ASIC2: variants seen among roughly 807,000 people sequenced by gnomAD.
The protein encoded by ASIC2 is acid sensing ion channel subunit 2.
Under a neutral mutation model 57.3 loss-of-function variants are expected in ASIC2, and 25 were observed. The observed-to-expected ratio is 0.44, with a 90% CI of 0.32 to 0.61. The LOEUF is 0.61. Ranked by LOEUF, ASIC2 falls within the 20% of genes least tolerant of loss-of-function variation. The probability of loss-of-function intolerance (pLI) is 0.06; values close to 1 mark genes in which losing one functional copy is unlikely to be tolerated. For missense variants in ASIC2, 641 were observed against 738.1 expected (o/e 0.87, Z 1.52); for synonymous variants, 319 against 307.5 (o/e 1.04, Z -0.39).
intron 1 of ASIC2, among the ~76,000 whole-genome samples, chr17:33,817,023 A>C (rs551475565): frequency 1.6e-4 from 25 of 152,204 alleles, no homozygotes; most frequent in African/African-American, 6.0e-4. Context: ...GGCACATCTC[A>C]CTGCTCTCCC....
In ASIC2 at chr17:33,675,651, A is replaced by C. The variant is rs111475195; in HGVS notation, c.555+480327T>G. On this transcript the variant is annotated intron_variant, in intron 1 of 9. Coordinates refer to the ASIC2 transcript ENST00000359872. ...CAGTGGTGCAATCAAGGCTCACTGCAACCTCTGCCTCCCAGGCTCAAGCCA... is the reference window on the plus strand; with the variant it reads ...CAGTGGTGCAATCAAGGCTCACTGCCACCTCTGCCTCCCAGGCTCAAGCCA... Among the ~76,000 whole-genome samples the C allele has an allele frequency of 6.3e-3, 955 of 152,314 alleles. 13 individuals carry two copies. Among genetic ancestry groups the C allele is most frequent in the African/African-American group, 0.022 (909 of 41,582 alleles).
intron 1 of ASIC2, among the ~76,000 whole-genome samples, chr17:33,395,369 G>A (rs1244239901): frequency 4.6e-5 from 7 of 152,318 alleles, no homozygotes; most frequent in Non-Finnish European, 7.3e-5. Flanking sequence ...TGGAAGGCAA[G>A]GAGGAGCAAG....
intron 1 of ASIC2, among the ~76,000 whole-genome samples, chr17:33,192,715 T>G (rs563624410): frequency 3.3e-5 from 5 of 152,210 alleles, no homozygotes; most frequent in Non-Finnish European, 5.9e-5. Flanking sequence ...TGACTTGATT[T>G]TGAGAGGAGA....
chr17:33,257,342 T>C (rs949203730), intron 1 of ASIC2, among the ~76,000 whole-genome samples: 2 of 152,214 alleles, frequency 1.3e-5, no homozygotes, highest in African/African-American at 2.4e-5. Flanking sequence ...GGAAGGGAGA[T>C]TTGAACATCT....
chr17:33,062,042 T>A (rs201530501), intron 3 of ASIC2, among the ~76,000 whole-genome samples: 1 of 152,196 alleles, frequency 6.6e-6, no homozygotes. Context: ...TCTATTTGAT[T>A]CTTCTCTCTT....
At chr17:33,663,614 C>T (rs567198032) in intron 1 of ASIC2, among the ~76,000 whole-genome samples, 15 of 152,088 alleles carry the variant, frequency 9.9e-5, no homozygotes, top group Non-Finnish European at 1.9e-4. Flanking sequence ...CCTCGAGGTT[C>T]GTGGCAGGGC....
intron 1 of ASIC2, among the ~76,000 whole-genome samples, chr17:34,099,683 A>AG (rs1454158542): frequency 1.3e-5 from 2 of 150,478 alleles, no homozygotes; most frequent in African/African-American, 4.9e-5. Flanking sequence ...AAAGAAAGAA[A>AG]AGAAAGAGAA....
chr17:33,944,336 A>G (rs1916258462), intron 1 of ASIC2, among the ~76,000 whole-genome samples: 1 of 152,252 alleles, frequency 6.6e-6, no homozygotes, highest in Admixed American at 6.5e-5. Flanking sequence ...CAGCAACAGC[A>G]GGAGAAACAG....
intron 1 of ASIC2, among the ~76,000 whole-genome samples, chr17:33,693,020 G>C (rs903209107): frequency 2.6e-5 from 4 of 152,092 alleles, no homozygotes; most frequent in Non-Finnish European, 4.4e-5. Flanking sequence ...TAGGTTATGA[G>C]GTTATTATTT....
chr17:33,703,019 G>A (rs1567693459), intron 1 of ASIC2, among the ~76,000 whole-genome samples: 1 of 152,128 alleles, frequency 6.6e-6, no homozygotes, highest in Non-Finnish European at 1.5e-5. Flanking sequence ...TTTTAATAGT[G>A]GCCTGGAAAG....
chr17:33,363,075 C>T (rs374464618), intron 1 of ASIC2, among the ~76,000 whole-genome samples: 2 of 152,156 alleles, frequency 1.3e-5, no homozygotes, highest in South Asian at 4.2e-4. Flanking sequence ...TGGGCCCCAA[C>T]AGCACTTTTT....
chr17:33,795,166 G>C (rs1911880437), intron 1 of ASIC2, among the ~76,000 whole-genome samples: 2 of 152,188 alleles, frequency 1.3e-5, no homozygotes, highest in African/African-American at 4.8e-5. Context: ...GTACTGAATG[G>C]TTTGTGCAAT....
At chr17:34,105,072 A>C (rs933068270) in intron 1 of ASIC2, among the ~76,000 whole-genome samples, 4 of 151,986 alleles carry the variant, frequency 2.6e-5, no homozygotes, top group Non-Finnish European at 4.4e-5. Context: ...TGGAACCAAG[A>C]GTTTATTTGT....
intron 1 of ASIC2, among the ~76,000 whole-genome samples, chr17:33,783,218 G>A (rs1376555390): frequency 1.3e-5 from 2 of 152,186 alleles, no homozygotes; most frequent in Non-Finnish European, 2.9e-5. Flanking sequence ...CTATGCAGAG[G>A]CAAGGCACTA....
chr17:33,615,676 C>T, intron 1 of ASIC2, among the ~76,000 whole-genome samples: 1 of 152,094 alleles, frequency 6.6e-6, no homozygotes, highest in South Asian at 2.1e-4. Context: ...GTTTGCTGCA[C>T]CTATCAACCC....
At chr17:33,666,813 C>G (rs77530538) in intron 1 of ASIC2, among the ~76,000 whole-genome samples, 1 of 152,182 alleles carries the variant, frequency 6.6e-6, no homozygotes, top group African/African-American at 2.4e-5. Context: ...TCTGCTGCCC[C>G]AGAATCGTTT....
At chr17:33,654,461 T>C (rs1907017976) in intron 1 of ASIC2, among the ~76,000 whole-genome samples, 1 of 152,236 alleles carries the variant, frequency 6.6e-6, no homozygotes, top group South Asian at 2.1e-4. Flanking sequence ...CTACTCCTGA[T>C]CTGTAAGACA....
At chr17:34,020,347 C>T (rs1027218673) in intron 1 of ASIC2, among the ~76,000 whole-genome samples, 3 of 152,184 alleles carry the variant, frequency 2.0e-5, no homozygotes, top group African/African-American at 7.2e-5. Flanking sequence ...CAAATGTCAT[C>T]AACTCCAGTT....
intron 3 of ASIC2, among the ~76,000 whole-genome samples, chr17:33,033,963 C>G (rs1436228903): frequency 6.6e-6 from 1 of 152,124 alleles, no homozygotes; most frequent in African/African-American, 2.4e-5. Flanking sequence ...GAGGAGTACT[C>G]TCTCTGCTGA....
Sources: allele counts gnomAD v4.1 joint callset (sites outside exome capture counted in the v4.1 genomes callset), GRCh38; gene constraint gnomAD v4.1.1; transcripts MANE v1.5; gene names NCBI Gene and HGNC (gene_info 2026-07-23, HGNC 2026-07-21).